The following FOXP1 variants were observed in gnomAD, a reference collection of about 807,000 sequenced individuals.
FOXP1 encodes the protein forkhead box P1.
Under a neutral mutation model 98.2 loss-of-function variants are expected in FOXP1, and 15 were observed. The ratio of observed to expected loss-of-function variants is 0.15; its 90% confidence interval spans 0.10 to 0.24. The LOEUF (loss-of-function observed/expected upper bound fraction) is 0.24, where lower values mean the gene tolerates loss of function less well. FOXP1 is among the 10% of genes least tolerant of loss of function. FOXP1 has a pLI of 1.00. For missense variants in FOXP1, 633 were observed against 848.5 expected, an observed-to-expected ratio of 0.75 and a Z score of 3.15; for synonymous variants, 371 against 314.5, an observed-to-expected ratio of 1.18 and a Z score of -1.90.
At position 71,066,626 on chromosome 3, in the gene FOXP1, A is replaced by G. The variant is rs569968665; in HGVS notation, c.283-12853T>C. On this transcript the variant is annotated intron_variant, in intron 7 of 20. Coordinates refer to ENST00000649528, the MANE Select transcript of FOXP1 (RefSeq NM_001349338.3). Reference sequence around the variant, plus strand: ...AAATAAAGGAAGTGCTCTCCAACCAATGTACAGGGAGAAAGTGGAAAGAAT... The same window carrying G: ...AAATAAAGGAAGTGCTCTCCAACCAGTGTACAGGGAGAAAGTGGAAAGAAT... 2.2e-4 allele frequency among the ~76,000 whole-genome samples: 33 copies of G among 152,326 alleles called. No homozygotes were observed. In the South Asian group the frequency reaches 6.8e-3, roughly 32 times the overall value.
chr3:71,041,430 G>A lies in FOXP1; in HGVS notation c.767C>T (p.Thr256Met), dbSNP rs768474615. 1.7e-5 allele frequency: 28 copies of A among 1,613,776 alleles called. No individual in the cohort carries two copies. Among genetic ancestry groups the A allele is most frequent in the Admixed American group, 1.7e-4 (10 of 59,972 alleles). ...GNNHSSLDLT[T>M]TCVSSSAPSK... ...AGGTGCAGAGGAGGAGACACATGTC[G>A]TGGTCAGATCCAAACTGCTGTGATT... Residue 256 changes from threonine (T) to methionine (M), a missense_variant, in exon 11 of 21, where the codon ACG becomes ATG. Around this residue, in one of 6 missense-constraint regions of FOXP1, gnomAD observed 210 missense variants for 270.6 expected, o/e 0.78. Transcript: ENST00000649528.
At chr3:70,981,091 C>T (rs182489638) in intron 14 of FOXP1, among the ~76,000 whole-genome samples, 187 of 144,558 alleles carry the variant, frequency 1.3e-3, no homozygotes, top group Non-Finnish European at 2.0e-3. Flanking sequence ...TTCACAGCTA[C>T]GAAGAATAGA....
At chr3:71,474,688 A>T (rs942762948) in intron 3 of FOXP1, among the ~76,000 whole-genome samples, 2 of 151,952 alleles carry the variant, frequency 1.3e-5, no homozygotes, top group Non-Finnish European at 2.9e-5. Context: ...ATGCCTGATG[A>T]TCTGTCACTG....
At chr3:71,168,519 C>T (rs1346116763) in intron 6 of FOXP1, among the ~76,000 whole-genome samples, 12 of 152,174 alleles carry the variant, frequency 7.9e-5, no homozygotes, top group South Asian at 2.1e-4. Flanking sequence ...CTCTAAGTGA[C>T]GTACTGTTTT....
intron 5 of FOXP1, among the ~76,000 whole-genome samples, chr3:71,283,106 G>A (rs2107434624): frequency 6.6e-6 from 1 of 152,350 alleles, no homozygotes; most frequent in Middle Eastern, 3.4e-3. Flanking sequence ...CACTGGTGCT[G>A]AGTGCAGGGA....
chr3:71,070,765 T>C (rs1409163686), intron 7 of FOXP1, among the ~76,000 whole-genome samples: 1 of 152,114 alleles, frequency 6.6e-6, no homozygotes, highest in African/African-American at 2.4e-5. Flanking sequence ...TCAGTGTCAA[T>C]GGGAAGCACA....
At chr3:71,422,871 C>T (rs987308136) in intron 3 of FOXP1, among the ~76,000 whole-genome samples, 2 of 151,550 alleles carry the variant, frequency 1.3e-5, no homozygotes, top group African/African-American at 4.8e-5. Flanking sequence ...CACAAGCGCG[C>T]ACACACACAC....
chr3:71,443,058 A>AT (rs1248511663), intron 3 of FOXP1, among the ~76,000 whole-genome samples: 5 of 151,876 alleles, frequency 3.3e-5, no homozygotes, highest in Non-Finnish European at 7.4e-5. Flanking sequence ...CACCTGGCTA[A>AT]TTTTTTTGTA....
rs757959099 is a variant in FOXP1 at position 70,972,608 on chromosome 3, T to C, written c.1599A>G (p.Val533=). The C allele has an allele frequency of 3.1e-6, 5 of 1,614,092 alleles. No homozygotes were observed. The highest frequency in any genetic ancestry group is 4.2e-6 in the Non-Finnish European group (5 of 1,180,016). Residue 533 remains valine, a synonymous_variant, in exon 18 of 21, where the codon GTA becomes GTG. Coordinates refer to ENST00000649528, the MANE Select transcript of FOXP1 (RefSeq NM_001349338.3). ...GGAATTCTACTTCATCCACTGTCCA[T>C]ACTGCCCCTTTAACGTTTTCTACTC... ...FVRVENVKGA[V]WTVDEVEFQK... is the part of the protein sequence containing the mutation.
chr3:71,346,711 G>GT (rs1041350438), intron 4 of FOXP1, among the ~76,000 whole-genome samples: 22 of 151,752 alleles, frequency 1.4e-4, no homozygotes, highest in African/African-American at 1.2e-4. Flanking sequence ...TCCTTAGGCA[G>GT]TTTTTTTTCC....
intron 6 of FOXP1, chr3:71,130,394 G>T: frequency 8.8e-7 from 1 of 1,135,926 alleles, no homozygotes; most frequent in Non-Finnish European, 1.3e-6. Context: ...TAAACAAGTT[G>T]GATCACCTTA....
At chr3:71,182,549 C>CTTT (rs369563965) in intron 6 of FOXP1, among the ~76,000 whole-genome samples, 15 of 112,948 alleles carry the variant, frequency 1.3e-4, no homozygotes, top group African/African-American at 5.6e-4. Flanking sequence ...TGTATATATT[C>CTTT]TTTTTTTTTT....
intron 3 of FOXP1, among the ~76,000 whole-genome samples, chr3:71,373,061 G>T (rs11714777): frequency 0.028 from 4,271 of 152,252 alleles, 105 homozygotes; most frequent in Non-Finnish European, 0.047. Flanking sequence ...TCTGCACGCT[G>T]AGCTCCTCTA....
chr3:71,226,318 T>A (rs1282504658), intron 5 of FOXP1, among the ~76,000 whole-genome samples: 2 of 152,180 alleles, frequency 1.3e-5, no homozygotes, highest in Non-Finnish European at 2.9e-5. Flanking sequence ...GAGGCTGGGA[T>A]TCTTCAAAGT....
chr3:71,122,551 C>T (rs1221917867), intron 6 of FOXP1, among the ~76,000 whole-genome samples: 1 of 152,134 alleles, frequency 6.6e-6, no homozygotes, highest in Admixed American at 6.5e-5. Context: ...GGGACAAGTG[C>T]AGCATAACTT....
rs372560801 is a variant in FOXP1 at position 71,170,262 on chromosome 3, G to A, written c.180+27940C>T. The stretch of plus-strand genomic sequence containing the variant: ...TAAAGTGAACTGCAAAACACTTAGC[G>A]GTATATATCACAACAATGACGCTCC... On this transcript the variant is annotated intron_variant, in intron 6 of 20. Coordinates refer to ENST00000649528, the MANE Select transcript of FOXP1 (RefSeq NM_001349338.3). 1.2e-4 allele frequency among the ~76,000 whole-genome samples: 19 copies of A among 152,190 alleles called. No individual in the cohort carries two copies. In the South Asian group the frequency reaches 1.7e-3, roughly 13 times the overall value.
chr3:71,182,373 A>G (rs72953303), intron 6 of FOXP1, among the ~76,000 whole-genome samples: 1 of 152,176 alleles, frequency 6.6e-6, no homozygotes, highest in Non-Finnish European at 1.5e-5. Context: ...TCATTTTTAT[A>G]TATCTCACAA....
chr3:71,581,310 C>T, intron 2 of FOXP1: 1 of 985,348 alleles, frequency 1.0e-6, no homozygotes, highest in Non-Finnish European at 1.2e-6. Context: ...ACACTCCACG[C>T]TAAACTTTGA....
chr3:71,177,651 G>A (rs2062019732), intron 6 of FOXP1, among the ~76,000 whole-genome samples: 1 of 152,122 alleles, frequency 6.6e-6, no homozygotes, highest in Non-Finnish European at 1.5e-5. Flanking sequence ...TTCTTCCTGT[G>A]TAGAACAAGT....
Sources: allele counts gnomAD v4.1 joint callset (sites outside exome capture counted in the v4.1 genomes callset), GRCh38; gene constraint gnomAD v4.1.1; regional missense constraint gnomAD v4.1.1; transcripts MANE v1.5; gene names NCBI Gene and HGNC (gene_info 2026-07-23, HGNC 2026-07-21).